The following CUX1 variants were observed in gnomAD, a reference collection of about 807,000 sequenced individuals.
CUX1 encodes protein CASP.
A neutral mutation model predicts 158.8 loss-of-function variants in CUX1; 31 were observed. The ratio of observed to expected loss-of-function variants is 0.20; its 90% CI spans 0.15 to 0.26. The LOEUF (loss-of-function observed/expected upper bound fraction) is 0.26, where lower values mean the gene tolerates loss of function less well. Ranked by LOEUF, CUX1 falls within the 10% of genes least tolerant of loss-of-function variation. The pLI, the probability that CUX1 is intolerant of heterozygous loss-of-function variation, is 1.00. For synonymous variants in CUX1, 879 were observed against 862.1 expected, an observed-to-expected ratio of 1.02 and a Z score of -0.34; for missense variants, 1,589 against 2,014.6, an observed-to-expected ratio of 0.79 and a Z score of 4.04.
chr7:102,111,866 C>A, intron 7 of CUX1, 92 bp downstream of exon 7: 1 of 1,151,892 alleles, frequency 8.7e-7, no homozygotes, highest in Non-Finnish European at 1.3e-6. Context: ...CCCGCGGATA[C>A]CTGTTGCTCT....
intron 3 of CUX1, among the ~76,000 whole-genome samples, chr7:102,067,250 T>TTTTTTG (rs1330651325): frequency 2.0e-5 from 3 of 149,420 alleles, no homozygotes; most frequent in Non-Finnish European, 4.4e-5. Context: ...TTTTTTTTTT[T>TTTTTTG]TGAGACGGAG....
chr7:101,981,458 TTGG>T (rs1466493140), intron 2 of CUX1, among the ~76,000 whole-genome samples: 2 of 152,148 alleles, frequency 1.3e-5, no homozygotes, highest in Non-Finnish European at 2.9e-5. Context: ...GAATAGCCAA[TTGG>T]TGGCCACAGA....
intron 20 of CUX1, chr7:102,281,828 C>A: frequency 6.2e-7 from 1 of 1,603,646 alleles, no homozygotes; most frequent in Non-Finnish European, 8.5e-7. Context: ...CTCACCCCCT[C>A]CTTGCTCCCA....
At chr7:101,827,357 G>A (rs1423105782) in intron 1 of CUX1, among the ~76,000 whole-genome samples, 1 of 151,342 alleles carries the variant, frequency 6.6e-6, no homozygotes, top group East Asian at 1.9e-4. Flanking sequence ...CCAGGTTAGA[G>A]TGCAGTGACA....
chr7:101,853,937 G>A (rs558310107), intron 1 of CUX1, among the ~76,000 whole-genome samples: 2 of 152,290 alleles, frequency 1.3e-5, no homozygotes, highest in South Asian at 2.1e-4. Flanking sequence ...ACACCTGCCC[G>A]GCCTCCAAGT....
chr7:102,269,339 C>T (rs1395045991), intron 14 of CUX1, among the ~76,000 whole-genome samples: 2 of 152,064 alleles, frequency 1.3e-5, no homozygotes, highest in Non-Finnish European at 2.9e-5. Flanking sequence ...TCCACCCCTG[C>T]CCCCTCACGC....
intron 17 of CUX1, 23 bp downstream of exon 17, chr7:102,200,195 C>T (rs782132255): frequency 1.3e-6 from 2 of 1,575,452 alleles, no homozygotes; most frequent in Non-Finnish European, 1.7e-6. Flanking sequence ...TTTCTTCATC[C>T]ACTGTCTTCA....
chr7:102,234,284 T>C (rs1402753025), intron 22 of CUX1, 44 bp downstream of exon 22: 5 of 1,440,862 alleles, frequency 3.5e-6, no homozygotes, highest in South Asian at 1.5e-5. Context: ...TCCGCATTCA[T>C]AGACAGGCTG....
rs1429622407 is a variant in CUX1, at chr7:102,153,079, A to AT, written c.675-5474dup. 2.6e-5 allele frequency among the ~76,000 whole-genome samples: 4 copies of AT among 152,270 alleles called. No homozygotes were observed. In the East Asian group the frequency reaches 7.7e-4, roughly 29 times the overall value. On this transcript the variant is annotated intron_variant, in intron 8 of 23. Coordinates refer to ENST00000292535, the MANE Select transcript of CUX1 (RefSeq NM_181552.4). ...GCACCTTCCCGCGTCAGTGGGACTG[A>AT]TTTTTTTATAAATGATGTGAAATCT...
chr7:101,980,120 A>G lies in CUX1; in HGVS notation c.142-47978A>G, dbSNP rs187200422. On this transcript the variant is annotated intron_variant, in intron 2 of 23. Coordinates refer to ENST00000292535, the MANE Select transcript of CUX1 (RefSeq NM_181552.4). ...CCGGGCTTAGGGAGCAGTGCCCTGCAGTGTCATTCTGGGCCAGGGAGGTTG... is the reference window on the plus strand; with the variant it reads ...CCGGGCTTAGGGAGCAGTGCCCTGCGGTGTCATTCTGGGCCAGGGAGGTTG... Among the ~76,000 whole-genome samples, 368 of 152,346 alleles carry G rather than the reference A, an allele frequency of 2.4e-3. 1 individual carries two copies. Among genetic ancestry groups the G allele is most frequent in the Non-Finnish European group, 1.1e-3 (77 of 68,024 alleles).
At chr7:101,939,091 ATATATATATATATATATATATATG>A (rs1563036078) in intron 2 of CUX1, among the ~76,000 whole-genome samples, 2 of 78,832 alleles carry the variant, frequency 2.5e-5, no homozygotes, top group Non-Finnish European at 5.2e-5. Flanking sequence ...ATATATATAT[ATATATATATATATATATATATATG>A]ATGGTTCCAC....
chr7:102,198,511 G>A (rs1795041323), intron 15 of CUX1, among the ~76,000 whole-genome samples: 1 of 152,174 alleles, frequency 6.6e-6, no homozygotes, highest in East Asian at 1.9e-4. Context: ...GGGGGCTGGC[G>A]GGTGATCCTC....
rs11427183 is a variant in CUX1, at chr7:102,041,256, C to CTTTTTTTTTTTT, written c.189+13127_189+13138dup. Among the ~76,000 whole-genome samples, 9 of 69,916 alleles carry CTTTTTTTTTTTT rather than the reference C, an allele frequency of 1.3e-4. 1 individual carries two copies. Among genetic ancestry groups the CTTTTTTTTTTTT allele is most frequent in the African/African-American group, 2.6e-4 (5 of 19,114 alleles). The allele number at this position is 69,916 out of a possible 152,430, so 45.9% of individuals were successfully genotyped here. A position where few individuals can be genotyped will look rare whatever the true frequency, so the allele number is the denominator to read the frequency against. On this transcript the variant is annotated intron_variant, in intron 3 of 23. Coordinates refer to ENST00000292535, the MANE Select transcript of CUX1 (RefSeq NM_181552.4). ...GGGAGATTGTCACCTCTTATCCATT[C>CTTTTTTTTTTTT]TTTTTTTTTTTTTTTTTTTTTTTTT...
chr7:101,818,437 T>A (rs1359371516), intron 1 of CUX1, among the ~76,000 whole-genome samples: 1 of 152,222 alleles, frequency 6.6e-6, no homozygotes, highest in Non-Finnish European at 1.5e-5. Context: ...CAAAATTGCC[T>A]GGAAAATGGA....
intron 3 of CUX1, among the ~76,000 whole-genome samples, chr7:102,041,737 G>A (rs1454422147): frequency 2.1e-5 from 3 of 141,196 alleles, no homozygotes; most frequent in Non-Finnish European, 4.5e-5. Flanking sequence ...GGATGATCTC[G>A]GCTCACTGCA....
At chr7:101,840,629 T>A (rs559846000) in intron 1 of CUX1, among the ~76,000 whole-genome samples, 1 of 152,296 alleles carries the variant, frequency 6.6e-6, no homozygotes, top group South Asian at 2.1e-4. Context: ...TGATATACAG[T>A]TTTCAAATCT....
intron 1 of CUX1, among the ~76,000 whole-genome samples, chr7:101,883,831 A>G (rs1409616251): frequency 6.6e-6 from 1 of 152,052 alleles, no homozygotes; most frequent in Admixed American, 6.5e-5. Flanking sequence ...CTTGACCTCA[A>G]GTGATCCACC....
chr7:102,077,606 TAGCAAG>T (rs534475834), intron 4 of CUX1, among the ~76,000 whole-genome samples: 534 of 146,716 alleles, frequency 3.6e-3, no homozygotes, highest in Non-Finnish European at 6.4e-3. Context: ...CCTGGCAACA[TAGCAAG>T]ACCCTCCCAT....
Position 102,249,068 on chromosome 7 carries a change from C to T in CUX1, c.*26C>T, listed in dbSNP as rs782802560. 2 of 1,259,926 alleles carry T rather than the reference C, an allele frequency of 1.6e-6. No homozygotes were observed. Among genetic ancestry groups the T allele is most frequent in the Non-Finnish European group, 2.0e-6 (2 of 994,982 alleles). The allele number at this position is 1,259,926 out of a possible 1,614,324, so 78.0% of individuals were successfully genotyped here. A position where few individuals can be genotyped will look rare whatever the true frequency, so the allele number is the denominator to read the frequency against. On this transcript the variant is annotated 3_prime_UTR_variant, in exon 24 of 24. Coordinates refer to ENST00000292535, the MANE Select transcript of CUX1 (RefSeq NM_181552.4). ...GGGGCCGCGGCCCTGGGGCGGGCAG[C>T]CAGGCTGGGCCGCAAGGGCCTGGAC...
Sources: allele counts gnomAD v4.1 joint callset (sites outside exome capture counted in the v4.1 genomes callset), GRCh38; gene constraint gnomAD v4.1.1; transcripts MANE v1.5; gene names NCBI Gene and HGNC (gene_info 2026-07-23, HGNC 2026-07-21).